The following CSMD1 variants were observed in gnomAD, a reference collection of about 807,000 sequenced individuals.
CSMD1 encodes the protein CUB and sushi domain-containing protein 1.
Under a neutral mutation model 417.5 loss-of-function variants are expected in CSMD1, and 213 were observed. That is an observed-to-expected ratio of 0.51 (90% confidence interval 0.46 to 0.57). The LOEUF (loss-of-function observed/expected upper bound fraction) is 0.57. CSMD1 is among the 20% of genes least tolerant of loss of function. CSMD1 has a pLI of 0.00. For synonymous variants in CSMD1, 2,862 were observed against 1,736.8 expected, an observed-to-expected ratio of 1.65 and a Z score of -16.11; for missense variants, 6,923 against 4,529.7, an observed-to-expected ratio of 1.53 and a Z score of -15.17.
chr8:3,219,500 T>C (rs1585692490), intron 28 of CSMD1, 58 bp from the exon 29 acceptor site: 13 of 1,239,694 alleles, frequency 1.0e-5, no homozygotes, highest in Non-Finnish European at 1.4e-5. Context: ...TCTCCCAGAG[T>C]GGTAAGCCTT....
intron 25 of CSMD1, among the ~76,000 whole-genome samples, chr8:3,302,556 C>T (rs554504126): frequency 5.3e-5 from 8 of 152,148 alleles, no homozygotes; most frequent in South Asian, 2.1e-4. Flanking sequence ...TTGCAATTCC[C>T]GTTTTTTAAG....
intron 2 of CSMD1, among the ~76,000 whole-genome samples, chr8:4,555,990 T>C (rs1798071350): frequency 6.6e-6 from 1 of 152,128 alleles, no homozygotes. Context: ...TGATTTTCTG[T>C]AAGTATATTT....
chr8:4,052,543 C>T (rs1034717024), intron 3 of CSMD1, among the ~76,000 whole-genome samples: 1 of 151,942 alleles, frequency 6.6e-6, no homozygotes, highest in Non-Finnish European at 1.5e-5. Context: ...CGTCAATGCA[C>T]CAAATTTGAG....
intron 50 of CSMD1, among the ~76,000 whole-genome samples, chr8:3,034,399 G>T (rs1411224440): frequency 6.6e-6 from 1 of 152,116 alleles, no homozygotes; most frequent in Non-Finnish European, 1.5e-5. Flanking sequence ...CAGTTAGGCT[G>T]AAAAACTGAA....
At chr8:4,202,267 C>T (rs1040057511) in intron 3 of CSMD1, among the ~76,000 whole-genome samples, 2 of 152,038 alleles carry the variant, frequency 1.3e-5, no homozygotes, top group Admixed American at 6.6e-5. Context: ...AGATTTTATT[C>T]ATGTTACTGA....
intron 1 of CSMD1, among the ~76,000 whole-genome samples, chr8:4,965,043 G>A (rs947993882): frequency 1.3e-5 from 2 of 152,180 alleles, no homozygotes; most frequent in Non-Finnish European, 2.9e-5. Context: ...TTACTTTAAA[G>A]AAGGAATCAA....
intron 7 of CSMD1, among the ~76,000 whole-genome samples, chr8:3,660,771 T>G (rs926644136): frequency 3.3e-5 from 5 of 152,084 alleles, no homozygotes; most frequent in African/African-American, 4.8e-5. Flanking sequence ...TCCACACACC[T>G]CGGCCTCTCA....
intron 1 of CSMD1, among the ~76,000 whole-genome samples, chr8:4,748,487 C>T (rs980582040): frequency 2.6e-5 from 4 of 152,126 alleles, no homozygotes; most frequent in Non-Finnish European, 2.9e-5. Context: ...GCTGGCTGTG[C>T]GTCAGTTCCC....
chr8:3,733,442 T>A (rs1796371426), intron 6 of CSMD1, among the ~76,000 whole-genome samples: 1 of 151,246 alleles, frequency 6.6e-6, no homozygotes, highest in Non-Finnish European at 1.5e-5. Flanking sequence ...GGTGTATGTA[T>A]GCACTAATCT....
chr8:4,947,179 T>C (rs1405331731), intron 1 of CSMD1, among the ~76,000 whole-genome samples: 1 of 152,156 alleles, frequency 6.6e-6, no homozygotes, highest in Non-Finnish European at 1.5e-5. Context: ...CAGAAAAATA[T>C]GTTAACAGAA....
chr8:4,788,908 G>C (rs1317484764), intron 1 of CSMD1, among the ~76,000 whole-genome samples: 2 of 152,190 alleles, frequency 1.3e-5, no homozygotes, highest in Non-Finnish European at 2.9e-5. Flanking sequence ...TCAGGTGTTG[G>C]AGGTTGGCAG....
chr8:3,545,303 AT>A (rs2116735125), intron 10 of CSMD1, among the ~76,000 whole-genome samples: 1 of 152,324 alleles, frequency 6.6e-6, no homozygotes, highest in South Asian at 2.1e-4. Flanking sequence ...AGTTGCTTTT[AT>A]CCCTAGAATT....
In CSMD1 at chr8:4,294,435, A is replaced by G. The variant is rs77630678; in HGVS notation, c.415+125518T>C. The stretch of plus-strand genomic sequence containing the variant: ...TAGCTAATGTTTATCAGACACTTCA[A>G]TTAACATCGCAGGCAATGATAATGA... On this transcript the variant is annotated intron_variant, in intron 3 of 69. Transcript: ENST00000635120. 8.5e-5 allele frequency among the ~76,000 whole-genome samples: 13 copies of G among 152,286 alleles called. No homozygotes were observed. The East Asian group carries it at 2.3e-3, about 27-fold the overall frequency.
intron 1 of CSMD1, among the ~76,000 whole-genome samples, chr8:4,882,386 G>A (rs747597083): frequency 6.6e-6 from 1 of 151,784 alleles, no homozygotes; most frequent in Non-Finnish European, 1.5e-5. Context: ...AAATTGAAGA[G>A]TATTGGGGAG....
intron 3 of CSMD1, among the ~76,000 whole-genome samples, chr8:4,385,174 C>T (rs1563118225): frequency 2.0e-5 from 3 of 149,536 alleles, no homozygotes; most frequent in Admixed American, 1.3e-4. Flanking sequence ...TGATCCTCCC[C>T]GTCTCGGCGT....
intron 3 of CSMD1, among the ~76,000 whole-genome samples, chr8:4,051,176 AT>A: frequency 1.0e-5 from 1 of 98,142 alleles, no homozygotes; most frequent in Middle Eastern, 4.8e-3. Flanking sequence ...TGGCAGCACA[AT>A]CCCTGCTGAG....
intron 1 of CSMD1, among the ~76,000 whole-genome samples, chr8:4,762,300 A>C (rs1336464710): frequency 6.6e-6 from 1 of 152,158 alleles, no homozygotes; most frequent in Non-Finnish European, 1.5e-5. Context: ...AGAGAGAAAG[A>C]ATAGCTGTTT....
At chr8:4,334,417 G>A (rs958591832) in intron 3 of CSMD1, among the ~76,000 whole-genome samples, 2 of 152,128 alleles carry the variant, frequency 1.3e-5, no homozygotes, top group Admixed American at 1.3e-4. Flanking sequence ...AGCAAATACT[G>A]AGGTTTTCCA....
chr8:2,963,376 C>A lies in CSMD1; in HGVS notation c.9300G>T (p.Pro3100=). The change falls in exon 60 of 70, where the codon CCG becomes CCT. Residue 3100 remains proline, a synonymous_variant. Coordinates refer to ENST00000635120, the MANE Select transcript of CSMD1 (RefSeq NM_033225.6). ...CCACTGTTCCATTCTGCACCGGCGG[C>A]GGCTGAGGACACAGCACGGCTATTT... The part of the protein sequence containing the change: ...PVCKAVLCPQ[P]PPVQNGTVEG... 6.2e-7 allele frequency: 1 copy of A among 1,613,888 alleles called. No individual in the cohort carries two copies. The highest frequency in any genetic ancestry group is 1.1e-5 in the South Asian group (1 of 91,084).
Sources: gnomAD v4.1 joint callset for allele counts (sites outside exome capture counted in the v4.1 genomes callset) on GRCh38, gnomAD v4.1.1 for gene constraint, MANE v1.5 for transcripts, NCBI Gene and HGNC (gene_info 2026-07-23, HGNC 2026-07-21) for gene names.